The following GNA14 variants were observed in gnomAD, a reference collection of about 807,000 sequenced individuals.
The protein encoded by GNA14 is G protein subunit alpha 14.
A neutral mutation model predicts 42.0 loss-of-function variants in GNA14; 50 were observed. That is an observed-to-expected ratio of 1.19 (90% CI 0.95 to 1.51). The LOEUF (loss-of-function observed/expected upper bound fraction) is 1.51, where lower values mean the gene tolerates loss of function less well. Among genes scored for constraint, GNA14 ranks in the 40% most tolerant of loss-of-function variants. The pLI is 0.00. For missense variants in GNA14, 473 were observed against 446.2 expected (o/e 1.06, Z -0.54); for synonymous variants, 173 against 163.1 (o/e 1.06, Z -0.46).
At chr9:77,581,461 C>T (rs779500742) in intron 1 of GNA14, among the ~76,000 whole-genome samples, 1 of 152,102 alleles carries the variant, frequency 6.6e-6, no homozygotes, top group African/African-American at 2.4e-5. Context: ...GTAAAGATAA[C>T]GTGAGTCAAT....
intron 2 of GNA14, among the ~76,000 whole-genome samples, chr9:77,461,075 CTCA>C (rs1564021165): frequency 6.6e-6 from 1 of 152,264 alleles, no homozygotes; most frequent in Non-Finnish European, 1.5e-5. Flanking sequence ...CCAGCCTTCA[CTCA>C]TGCTGATCAG....
At chr9:77,435,130 G>A (rs1364228311) in intron 2 of GNA14, among the ~76,000 whole-genome samples, 5 of 151,272 alleles carry the variant, frequency 3.3e-5, no homozygotes, top group African/African-American at 7.3e-5. Context: ...AGGCCGAGGC[G>A]GGCCGATCAC....
At chr9:77,480,548 T>C (rs1836525101) in intron 2 of GNA14, among the ~76,000 whole-genome samples, 1 of 152,232 alleles carries the variant, frequency 6.6e-6, no homozygotes, top group Non-Finnish European at 1.5e-5. Context: ...GGTATCAGGA[T>C]GATGCTGGCC....
intron 1 of GNA14, among the ~76,000 whole-genome samples, chr9:77,634,308 C>T (rs1824143478): frequency 1.3e-5 from 2 of 151,454 alleles, no homozygotes; most frequent in South Asian, 2.1e-4. Context: ...GTCCCAGCTA[C>T]TCAGGAGGCT....
At chr9:77,580,023 C>G (rs1214855238) in intron 1 of GNA14, among the ~76,000 whole-genome samples, 1 of 152,108 alleles carries the variant, frequency 6.6e-6, no homozygotes, top group African/African-American at 2.4e-5. Flanking sequence ...GGAAATATTC[C>G]CGGCCCACTT....
chr9:77,637,233 C>G (rs1337618172), intron 1 of GNA14, among the ~76,000 whole-genome samples: 2 of 152,200 alleles, frequency 1.3e-5, no homozygotes, highest in Admixed American at 6.5e-5. Context: ...CTTCCAAAGT[C>G]TTACCACTTT....
intron 2 of GNA14, among the ~76,000 whole-genome samples, chr9:77,464,361 G>A (rs974877082): frequency 5.5e-5 from 8 of 146,050 alleles, no homozygotes; most frequent in African/African-American, 2.2e-4. Flanking sequence ...ATGTGTGTGT[G>A]TGTGTGTGTG....
At chr9:77,454,199 G>A (rs1261634137) in intron 2 of GNA14, among the ~76,000 whole-genome samples, 1 of 152,148 alleles carries the variant, frequency 6.6e-6, no homozygotes, top group East Asian at 1.9e-4. Flanking sequence ...GGATTTGGTG[G>A]TTCCAAAGTC....
rs920132313 is a variant in GNA14 at position 77,522,942 on chromosome 9, C to A, written c.309+6127G>T. 3.3e-5 allele frequency among the ~76,000 whole-genome samples: 5 copies of A among 152,246 alleles called. No homozygotes were observed. In the East Asian group the frequency reaches 7.7e-4, roughly 24 times the overall value. ...CAAAATTCGCAGAGGCCTTGTGAGT[C>A]GATTCAAATAAAAACATTCAACCTT... On this transcript the variant is annotated intron_variant, in intron 2 of 6. Coordinates refer to ENST00000341700, the MANE Select transcript of GNA14 (RefSeq NM_004297.4).
intron 2 of GNA14, among the ~76,000 whole-genome samples, chr9:77,490,182 A>C (rs1181980497): frequency 1.3e-5 from 2 of 152,086 alleles, no homozygotes; most frequent in Non-Finnish European, 2.9e-5. Context: ...CCACCAGAGC[A>C]GCTAGATACA....
intron 2 of GNA14, among the ~76,000 whole-genome samples, chr9:77,506,917 C>G (rs1352744849): frequency 6.6e-6 from 1 of 152,190 alleles, no homozygotes; most frequent in Admixed American, 6.5e-5. Context: ...CCACCTATCC[C>G]AGGACTCTTA....
At chr9:77,474,919 C>T (rs1291158212) in intron 2 of GNA14, among the ~76,000 whole-genome samples, 1 of 151,938 alleles carries the variant, frequency 6.6e-6, no homozygotes, top group Non-Finnish European at 1.5e-5. Flanking sequence ...TTACATGATT[C>T]CATTTATATG....
intron 2 of GNA14, among the ~76,000 whole-genome samples, chr9:77,521,318 T>C (rs1260673535): frequency 1.3e-5 from 2 of 152,198 alleles, no homozygotes; most frequent in Non-Finnish European, 2.9e-5. Flanking sequence ...AGTTGGAACA[T>C]TGGCCTCTGT....
intron 1 of GNA14, among the ~76,000 whole-genome samples, chr9:77,634,119 A>T (rs1824140512): frequency 6.6e-6 from 1 of 152,164 alleles, no homozygotes; most frequent in Non-Finnish European, 1.5e-5. Context: ...TTACTAGGAA[A>T]AGTCTTTATG....
At chr9:77,438,028 A>G (rs1339932748) in intron 2 of GNA14, among the ~76,000 whole-genome samples, 1 of 152,178 alleles carries the variant, frequency 6.6e-6, no homozygotes, top group Non-Finnish European at 1.5e-5. Flanking sequence ...TACATGAAAA[A>G]TGGGGAGTAG....
chr9:77,476,223 T>A (rs1485483171), intron 2 of GNA14, among the ~76,000 whole-genome samples: 1 of 152,170 alleles, frequency 6.6e-6, no homozygotes, highest in Non-Finnish European at 1.5e-5. Context: ...AGATTTTAGA[T>A]TTTCTAAAAT....
At chr9:77,487,153 G>A (rs955517995) in intron 2 of GNA14, among the ~76,000 whole-genome samples, 2 of 152,122 alleles carry the variant, frequency 1.3e-5, no homozygotes. Flanking sequence ...AGCATATACA[G>A]CATGAATACA....
At position 77,639,869 on chromosome 9, in the gene GNA14, C is replaced by T. The variant is rs756306770; in HGVS notation, c.124+7801G>A. Among the ~76,000 whole-genome samples the T allele has an allele frequency of 3.9e-5, 6 of 152,350 alleles. 1 individual carries two copies. In the South Asian group the frequency reaches 1.2e-3, roughly 32 times the overall value. On this transcript the variant is annotated intron_variant, in intron 1 of 6. Coordinates refer to ENST00000341700, the MANE Select transcript of GNA14 (RefSeq NM_004297.4). ...ATTTACCCATCAGCAGAGAGCCAAT[C>T]TTCATAATGAATGTGAGGGCTCTTG...
chr9:77,633,661 G>T (rs7864216), intron 1 of GNA14, among the ~76,000 whole-genome samples: 1 of 151,646 alleles, frequency 6.6e-6, no homozygotes, highest in African/African-American at 2.4e-5. Context: ...GGCAAGAAGC[G>T]GGCACAGCAG....
Sources: allele counts gnomAD v4.1 joint callset (sites outside exome capture counted in the v4.1 genomes callset), GRCh38; gene constraint gnomAD v4.1.1; transcripts MANE v1.5; gene names NCBI Gene and HGNC (gene_info 2026-07-23, HGNC 2026-07-21).